The following CAPS2 variants were observed in gnomAD, a reference collection of about 807,000 sequenced individuals.
CAPS2 encodes the protein calcyphosine 2, also known as calcyphosin-2.
A neutral mutation model predicts 86.5 loss-of-function variants in CAPS2; 98 were observed. The observed-to-expected ratio is 1.13, with a 90% confidence interval of 0.96 to 1.34. The LOEUF (loss-of-function observed/expected upper bound fraction) is 1.34. CAPS2 is among the 40% of genes most tolerant of loss of function. The pLI is 0.00. For synonymous variants in CAPS2, 210 were observed against 225.1 expected (o/e 0.93, Z 0.60); for missense variants, 729 against 686.8 (o/e 1.06, Z -0.69).
upstream of CAPS2, among the ~76,000 whole-genome samples, chr12:75,333,412 T>G (rs910537843): frequency 6.6e-6 from 1 of 152,048 alleles, no homozygotes; most frequent in African/African-American, 2.4e-5. Flanking sequence ...ATAACTGTAT[T>G]GATTTATCTA....
At chr12:75,343,558 C>A in intron 1 of CAPS2, 1 of 685,322 alleles carries the variant, frequency 1.5e-6, no homozygotes, top group Non-Finnish European at 2.4e-6. Context: ...TAACTATGCA[C>A]ATAATAAATA....
intron 6 of CAPS2, among the ~76,000 whole-genome samples, chr12:75,314,034 C>T (rs2039496798): frequency 6.6e-6 from 1 of 152,112 alleles, no homozygotes. Flanking sequence ...ATTCTCATGC[C>T]TCAACTTCCC....
intron 1 of CAPS2, among the ~76,000 whole-genome samples, chr12:75,383,775 G>C (rs1476086163): frequency 1.3e-5 from 2 of 152,002 alleles, no homozygotes; most frequent in Admixed American, 6.5e-5. Context: ...ACTATATTCT[G>C]GACCATAAAA....
chr12:75,286,185 C>T (rs941761193), intron 14 of CAPS2, among the ~76,000 whole-genome samples: 2 of 151,958 alleles, frequency 1.3e-5, no homozygotes, highest in Non-Finnish European at 2.9e-5. Flanking sequence ...CTTCCACTCC[C>T]TCCTATTTTT....
intron 1 of CAPS2, among the ~76,000 whole-genome samples, chr12:75,343,216 G>C (rs916962249): frequency 1.3e-5 from 2 of 151,910 alleles, no homozygotes; most frequent in Admixed American, 1.3e-4. Context: ...TCCTAATCTT[G>C]AGGGAAAGTT....
intron 1 of CAPS2, among the ~76,000 whole-genome samples, chr12:75,356,597 T>A (rs1255623262): frequency 6.6e-6 from 1 of 151,944 alleles, no homozygotes; most frequent in East Asian, 1.9e-4. Flanking sequence ...TTAAAAGATA[T>A]TTAATTAACC....
At chr12:75,364,464 C>T (rs1373250267) in intron 1 of CAPS2, among the ~76,000 whole-genome samples, 2 of 152,204 alleles carry the variant, frequency 1.3e-5, no homozygotes, top group African/African-American at 2.4e-5. Context: ...TCCTGTCCCT[C>T]AGTGGAACCC....
intron 11 of CAPS2, among the ~76,000 whole-genome samples, chr12:75,294,758 T>C (rs1245473389): frequency 6.7e-6 from 1 of 149,304 alleles, no homozygotes; most frequent in Non-Finnish European, 1.5e-5. Flanking sequence ...AACATGTATG[T>C]GTCGGGATAG....
downstream of CAPS2, chr12:75,277,144 GAAGATT>G (rs2033073227): frequency 3.1e-5 from 30 of 981,520 alleles, no homozygotes; most frequent in Non-Finnish European, 3.6e-5. Flanking sequence ...CTTATGTTAG[GAAGATT>G]AAGATTAATA....
At chr12:75,319,465 C>T (rs1171809041) in intron 5 of CAPS2, among the ~76,000 whole-genome samples, 1 of 152,102 alleles carries the variant, frequency 6.6e-6, no homozygotes, top group Non-Finnish European at 1.5e-5. Flanking sequence ...CCTTGATCTT[C>T]CGTCATAAGT....
intron 5 of CAPS2, among the ~76,000 whole-genome samples, chr12:75,318,655 A>T (rs1424186800): frequency 6.6e-6 from 1 of 152,110 alleles, no homozygotes; most frequent in East Asian, 1.9e-4. Context: ...ATCCTATACA[A>T]GCTGCTATCC....
intron 1 of CAPS2, among the ~76,000 whole-genome samples, chr12:75,326,181 T>C (rs2040765817): frequency 6.6e-6 from 1 of 152,114 alleles, no homozygotes; most frequent in Non-Finnish European, 1.5e-5. Flanking sequence ...CTTAAACAAA[T>C]ATTCTTAAAT....
In CAPS2 at chr12:75,367,738, T is replaced by C. The variant is rs532248333; in HGVS notation, c.-395+23100A>G. ...ATTTTATATGATGACAAATCATGTC[T>C]TCCGTTAAAAATAATGCGTTTTGTT... On this transcript the variant is annotated intron_variant, in intron 1 of 5. Coordinates refer to the CAPS2 transcript ENST00000551829. Among the ~76,000 whole-genome samples, 36 of 152,282 alleles carry C rather than the reference T, an allele frequency of 2.4e-4. No homozygotes were observed. In the South Asian group the frequency reaches 6.8e-3, roughly 29 times the overall value.
chr12:75,337,312 G>C (rs986814045), intron 1 of CAPS2, among the ~76,000 whole-genome samples: 4 of 151,480 alleles, frequency 2.6e-5, no homozygotes, highest in African/African-American at 9.7e-5. Context: ...TCAAAAGTTG[G>C]TTTAAAACTA....
At chr12:75,326,875 G>T (rs989193966), upstream of CAPS2, among the ~76,000 whole-genome samples, 3 of 152,188 alleles carry the variant, frequency 2.0e-5, no homozygotes, top group Non-Finnish European at 4.4e-5. Flanking sequence ...TAAGAGGGAA[G>T]CAAGAAGAAC....
At chr12:75,346,400 T>A (rs1337095875) in intron 1 of CAPS2, among the ~76,000 whole-genome samples, 1 of 152,160 alleles carries the variant, frequency 6.6e-6, no homozygotes, top group African/African-American at 2.4e-5. Context: ...AAACTCTTTT[T>A]TTTTTTTTGA....
intron 11 of CAPS2, among the ~76,000 whole-genome samples, chr12:75,293,941 A>T (rs1016355192): frequency 1.3e-5 from 2 of 151,058 alleles, no homozygotes; most frequent in Admixed American, 6.6e-5. Context: ...TATAATTTTT[A>T]TTTTTTTTTG....
At chr12:75,376,839 C>T (rs1267168239) in intron 1 of CAPS2, among the ~76,000 whole-genome samples, 1 of 152,106 alleles carries the variant, frequency 6.6e-6, no homozygotes, top group Non-Finnish European at 1.5e-5. Flanking sequence ...CACAATTTAG[C>T]CCTTTGTCTT....
intron 1 of CAPS2, among the ~76,000 whole-genome samples, chr12:75,379,694 G>T (rs2044852136): frequency 6.6e-6 from 1 of 152,070 alleles, no homozygotes; most frequent in African/African-American, 2.4e-5. Flanking sequence ...GTAAGTGTGT[G>T]TTCCCAGAAA....
Sources: gnomAD v4.1 joint callset for allele counts (sites outside exome capture counted in the v4.1 genomes callset) on GRCh38, gnomAD v4.1.1 for gene constraint, MANE v1.5 for transcripts, NCBI Gene and HGNC (gene_info 2026-07-23, HGNC 2026-07-21) for gene names.